The following CRHBP variants were observed in gnomAD, a reference collection of about 807,000 sequenced individuals.
CRHBP encodes corticotropin-releasing hormone-binding protein.
In CRHBP, 19 loss-of-function variants were observed where a neutral mutation model predicts 34.9. The observed-to-expected ratio is 0.55, with a 90% CI of 0.38 to 0.80. The LOEUF (loss-of-function observed/expected upper bound fraction) is 0.80. Ranked by LOEUF, CRHBP falls within the 30% of genes least tolerant of loss-of-function variation. The pLI, the probability that CRHBP is intolerant of heterozygous loss-of-function variation, is 0.00. For missense variants in CRHBP, 328 were observed against 409.2 expected (o/e 0.80, Z 1.71); for synonymous variants, 154 against 153.4 (o/e 1.00, Z -0.03).
chr5:76,976,860 T>A (rs1472314485), intron 3 of CRHBP, among the ~76,000 whole-genome samples: 1 of 152,022 alleles, frequency 6.6e-6, no homozygotes, highest in Non-Finnish European at 1.5e-5. Context: ...TCAATTACTA[T>A]TTTTTTTCTT....
intron 1 of CRHBP, 174 bp downstream of exon 1, chr5:76,953,389 C>A: frequency 1.2e-6 from 1 of 821,896 alleles, no homozygotes; most frequent in Non-Finnish European, 2.0e-6. Flanking sequence ...TCTGAGCATC[C>A]CAGACTGCCT....
At chr5:76,965,386 G>A in intron 6 of CRHBP, among the ~76,000 whole-genome samples, 1 of 152,196 alleles carries the variant, frequency 6.6e-6, no homozygotes, top group East Asian at 1.9e-4. Flanking sequence ...TCAAGGTAAA[G>A]GCAAAAGATT....
chr5:76,958,811 C>T lies in CRHBP; in HGVS notation c.615C>T (p.Cys205=). The T allele has an allele frequency of 6.2e-7, 1 of 1,614,054 alleles. No homozygotes were observed. The highest frequency in any genetic ancestry group is 8.5e-7 in the Non-Finnish European group (1 of 1,179,932). Reference sequence around the variant, plus strand: ...TAGTTCCACACCAGCATCGAAACTGCAGCTTCTCCATAATTTATCCTGTGG... The same window carrying T: ...TAGTTCCACACCAGCATCGAAACTGTAGCTTCTCCATAATTTATCCTGTGG... ...TLVVPHQHRN[C]SFSIIYPVVI... is the part of the protein sequence containing the mutation. The change falls in exon 5 of 7, where the codon TGC becomes TGT. Residue 205 remains cysteine, a synonymous_variant. Transcript: ENST00000274368.
intron 1 of CRHBP, 136 bp from the exon 2 acceptor site, chr5:76,953,465 T>C (rs1453526156): frequency 1.3e-5 from 13 of 1,029,752 alleles, no homozygotes; most frequent in Middle Eastern, 2.0e-4. Context: ...CCTTCCCGTC[T>C]TCTCCGGACA....
Position 76,953,676 on chromosome 5 carries a change from C to T in CRHBP, c.157C>T (p.Pro53Ser), listed in dbSNP as rs751642418. Residue 53 changes from proline (P) to serine (S), a missense_variant, in exon 2 of 7, where the codon CCG (proline) becomes TCG (serine). Pro to Ser is a moderately conservative substitution (Grantham distance 74). Coordinates refer to ENST00000274368, the MANE Select transcript of CRHBP (RefSeq NM_001882.4). ...GAAGCGGGAGCTGGCTGGGGAGCAGCCGTACCGCCGCGCTCTGCGTGAGTC... is the reference window on the plus strand; with the variant it reads ...GAAGCGGGAGCTGGCTGGGGAGCAGTCGTACCGCCGCGCTCTGCGTGAGTC... ...NLKRELAGEQ[P>S]YRRALRCLDM... is the part of the protein sequence containing the mutation. 1.2e-6 allele frequency: 2 copies of T among 1,609,662 alleles called. No homozygotes were observed. The highest frequency in any genetic ancestry group is 1.7e-6 in the Non-Finnish European group (2 of 1,178,258).
chr5:76,955,715 C>G lies in CRHBP; in HGVS notation c.396C>G (p.Pro132=). 1.2e-6 allele frequency: 2 copies of G among 1,614,240 alleles called. No homozygotes were observed. Among genetic ancestry groups the G allele is most frequent in the Non-Finnish European group, 8.5e-7 (1 of 1,180,048 alleles). The part of the protein sequence containing the change: ...KFPSSQDHPL[P]SAERYIDFCE... ...CCAGTTCCCAGGATCATCCTCTCCC[C>G]TCAGCTGAGCGGTACATAGATTTCT... is the stretch of plus-strand genomic sequence containing the variant. The change falls in exon 4 of 7, where the codon CCC becomes CCG. Residue 132 remains proline (P), a synonymous_variant. Transcript: ENST00000274368.
At chr5:76,967,672 A>G (rs1021398382) in intron 6 of CRHBP, among the ~76,000 whole-genome samples, 1 of 152,128 alleles carries the variant, frequency 6.6e-6, no homozygotes, top group Non-Finnish European at 1.5e-5. Flanking sequence ...AAAAGTTGTC[A>G]GATCTTATAT....
chr5:76,969,884 TAAAAGACATCTTGGAGCA>T (rs1470547161), downstream of CRHBP, among the ~76,000 whole-genome samples: 1 of 148,576 alleles, frequency 6.7e-6, no homozygotes, highest in Non-Finnish European at 1.5e-5. Flanking sequence ...GTGTAGTATG[TAAAAGACATCTTGGAGCA>T]AAAAGGAAGG....
chr5:76,980,683 A>G (rs1210382829), intron 3 of CRHBP, among the ~76,000 whole-genome samples: 1 of 152,158 alleles, frequency 6.6e-6, no homozygotes, highest in Non-Finnish European at 1.5e-5. Flanking sequence ...GAGTAAAGCA[A>G]ATTACTTCCG....
At chr5:76,960,921 C>T (rs970305543) in intron 5 of CRHBP, among the ~76,000 whole-genome samples, 1 of 151,854 alleles carries the variant, frequency 6.6e-6, no homozygotes, top group African/African-American at 2.4e-5. Context: ...TGAGCCACCA[C>T]ACCTGGCTAA....
At position 76,954,109 on chromosome 5, in the gene CRHBP, A is replaced by G. The variant is rs1214147884; in HGVS notation, c.256A>G (p.Ile86Val). The G allele has an allele frequency of 2.5e-6, 4 of 1,614,012 alleles. No homozygotes were observed. Among genetic ancestry groups the G allele is most frequent in the Non-Finnish European group, 3.4e-6 (4 of 1,179,934 alleles). Reference sequence around the variant, plus strand: ...GCAGCTGCACTGCGCAGCCTTCTTCATCAGCGAGCCCGAGGAGTTCATTAC... The same window carrying G: ...GCAGCTGCACTGCGCAGCCTTCTTCGTCAGCGAGCCCGAGGAGTTCATTAC... Reference protein sequence around the residue: ...RPQLHCAAFFISEPEEFITIH... With the variant: ...RPQLHCAAFFVSEPEEFITIH... The change falls in exon 3 of 7, where the codon ATC becomes GTC. Residue 86 changes from isoleucine to valine, a missense_variant. Ile to Val is a conservative substitution (Grantham distance 29, BLOSUM62 3). This residue lies in a region of CRHBP where 173 missense variants were observed against 172.2 expected (regional missense o/e 1.00). Transcript: ENST00000274368.
rs1306459975 is a variant in CRHBP, at chr5:76,975,826, AT to A, written n.312-538del. Reference sequence around the variant, plus strand: ...CTCAAAAAAAAAAAAAAAAAAAAAAATATATATATATATATATATACACGCA... The same window carrying A: ...CTCAAAAAAAAAAAAAAAAAAAAAAAATATATATATATATATATACACGCA... On this transcript the variant is annotated intron_variant and non_coding_transcript_variant, in intron 2 of 3. Transcript: ENST00000514258. Among the ~76,000 whole-genome samples, 221 of 67,836 alleles carry A rather than the reference AT, an allele frequency of 3.3e-3. 2 individuals carry two copies. Among genetic ancestry groups the A allele is most frequent in the African/African-American group, 4.8e-3 (54 of 11,162 alleles). 44.5% of individuals were successfully genotyped at this position (67,836 alleles called of 152,430 possible).
chr5:76,964,280 CAGA>C (rs755979500), intron 6 of CRHBP, among the ~76,000 whole-genome samples: 37 of 152,112 alleles, frequency 2.4e-4, no homozygotes, highest in Non-Finnish European at 4.7e-4. Context: ...CGAGACAAAA[CAGA>C]AGAAGAACAG....
chr5:76,979,847 T>C (rs1746091303), intron 3 of CRHBP, among the ~76,000 whole-genome samples: 1 of 152,210 alleles, frequency 6.6e-6, no homozygotes, highest in East Asian at 1.9e-4. Flanking sequence ...GGTATGCCTG[T>C]ATATTCTTTG....
chr5:76,953,393 AC>A, intron 1 of CRHBP, 178 bp downstream of exon 1: 1 of 818,644 alleles, frequency 1.2e-6, no homozygotes, highest in South Asian at 1.6e-5. Flanking sequence ...AGCATCCCAG[AC>A]TGCCTGCCTG....
chr5:76,958,980 A>G (rs1470261461), intron 5 of CRHBP, 91 bp downstream of exon 5: 1 of 1,371,550 alleles, frequency 7.3e-7, no homozygotes, highest in African/African-American at 1.4e-5. Context: ...GGACACTAGC[A>G]AATTGGCGTA....
chr5:76,960,706 A>G (rs1745763290), intron 5 of CRHBP, among the ~76,000 whole-genome samples: 1 of 152,142 alleles, frequency 6.6e-6, no homozygotes, highest in Admixed American at 6.5e-5. Context: ...TTGCACATTG[A>G]GTTGGTGTGA....
At chr5:76,968,591 G>A in intron 6 of CRHBP, 137 bp from the exon 7 acceptor site, 1 of 689,208 alleles carries the variant, frequency 1.5e-6, no homozygotes, top group South Asian at 2.7e-5. Context: ...TCAACTGATA[G>A]TAGATGCATG....
intron 2 of CRHBP, 77 bp downstream of exon 2, chr5:76,953,771 G>A (rs182054220): frequency 2.4e-5 from 34 of 1,434,444 alleles, no homozygotes; most frequent in Middle Eastern, 2.3e-4. Context: ...CAGAGGGCTC[G>A]CGGACATCTC....
Sources: gnomAD v4.1 joint callset for allele counts (sites outside exome capture counted in the v4.1 genomes callset) on GRCh38, gnomAD v4.1.1 for gene constraint, gnomAD v4.1.1 regional missense constraint, MANE v1.5 for transcripts, NCBI Gene and HGNC (gene_info 2026-07-23, HGNC 2026-07-21) for gene names.